The following PDE2A variants were observed in gnomAD, a reference collection of about 807,000 sequenced individuals.
The protein encoded by PDE2A is phosphodiesterase 2A, also known as cGMP-dependent 3',5'-cyclic phosphodiesterase.
Under a neutral mutation model 133.6 loss-of-function variants are expected in PDE2A, and 53 were observed. The ratio of observed to expected loss-of-function variants is 0.40; its 90% CI spans 0.32 to 0.50. PDE2A has a LOEUF of 0.50. PDE2A is among the 20% of genes least tolerant of loss of function. The pLI is 0.73. For missense variants in PDE2A, 796 were observed against 1,232.4 expected (o/e 0.65, Z 5.30); for synonymous variants, 491 against 490.2 (o/e 1.00, Z -0.02).
Position 72,588,891 on chromosome 11 carries a change from G to T in PDE2A, c.963C>A (p.Ser321Arg). ...LTSEDVQQLQ[S>R]MLGCELQAML... ...TGGCCTGCAGCTCACAGCCCAACAT[G>T]CTCTGCAGCTGTTGTACATCCTCCT... The change falls in exon 13 of 31, where the codon AGC (serine) becomes AGA (arginine). Residue 321 changes from serine (S) to arginine (R), a missense_variant. By Grantham distance (110) the Ser-to-Arg change is moderately radical (BLOSUM62 -1). Transcript: ENST00000334456. 1.2e-6 allele frequency: 2 copies of T among 1,607,688 alleles called. No homozygotes were observed. Among genetic ancestry groups the T allele is most frequent in the Non-Finnish European group, 1.7e-6 (2 of 1,175,346 alleles).
At chr11:72,612,683 T>G (rs529283138) in intron 2 of PDE2A, among the ~76,000 whole-genome samples, 1 of 102,036 alleles carries the variant, frequency 9.8e-6, no homozygotes, top group African/African-American at 3.8e-5. Context: ...GGATGGTGGA[T>G]GGATGGGTGG....
chr11:72,589,120 G>A (rs1235917983), intron 12 of PDE2A, 55 bp downstream of exon 12: 7 of 1,481,624 alleles, frequency 4.7e-6, no homozygotes, highest in Non-Finnish European at 6.6e-6. Context: ...CTGGCTCTAG[G>A]GGCTGGCAGT....
chr11:72,598,492 C>A, intron 4 of PDE2A: 1 of 1,288,296 alleles, frequency 7.8e-7, no homozygotes, highest in Non-Finnish European at 1.0e-6. Context: ...TCTGGCTCAT[C>A]CCGCTTAATT....
chr11:72,602,742 A>G (rs1306665507), intron 4 of PDE2A, among the ~76,000 whole-genome samples: 1 of 152,234 alleles, frequency 6.6e-6, no homozygotes, highest in East Asian at 1.9e-4. Context: ...CTGTTACCCC[A>G]TTAAGCCAAT....
At chr11:72,666,771 A>G (rs949734505) in intron 1 of PDE2A, among the ~76,000 whole-genome samples, 4 of 152,230 alleles carry the variant, frequency 2.6e-5, no homozygotes, top group African/African-American at 9.7e-5. Context: ...CACAAGCCAC[A>G]GTCACATGCA....
At chr11:72,667,967 G>A (rs1465556876) in intron 1 of PDE2A, among the ~76,000 whole-genome samples, 1 of 152,164 alleles carries the variant, frequency 6.6e-6, no homozygotes, top group Non-Finnish European at 1.5e-5. Flanking sequence ...AGTGCTGGGT[G>A]CACCAAGGAT....
intron 1 of PDE2A, chr11:72,652,788 C>G (rs200031596): frequency 2.2e-6 from 1 of 449,320 alleles, no homozygotes; most frequent in Non-Finnish European, 4.5e-6. Flanking sequence ...AAGCTTGTGC[C>G]TCTTGCAGCA....
At chr11:72,656,047 G>A (rs1025345366) in intron 1 of PDE2A, among the ~76,000 whole-genome samples, 11 of 152,164 alleles carry the variant, frequency 7.2e-5, no homozygotes, top group East Asian at 1.9e-4. Context: ...GGAGGCTCAC[G>A]GCCCGGCATC....
At chr11:72,611,775 G>T (rs1251249235) in intron 2 of PDE2A, among the ~76,000 whole-genome samples, 1 of 152,196 alleles carries the variant, frequency 6.6e-6, no homozygotes, top group African/African-American at 2.4e-5. Flanking sequence ...ACTGCAGCTG[G>T]GAAGGGCCAC....
intron 21 of PDE2A, 88 bp downstream of exon 21, chr11:72,582,356 T>C: frequency 1.5e-6 from 2 of 1,316,818 alleles, no homozygotes; most frequent in Non-Finnish European, 2.1e-6. Context: ...TGACTCTGTC[T>C]TCCCAGGAAG....
At chr11:72,593,930 G>A (rs745959644) in intron 6 of PDE2A, among the ~76,000 whole-genome samples, 4 of 152,174 alleles carry the variant, frequency 2.6e-5, no homozygotes, top group Non-Finnish European at 5.9e-5. Flanking sequence ...CAGTATTTTT[G>A]TTATTTTTAT....
chr11:72,651,057 G>A (rs941191570), intron 1 of PDE2A, among the ~76,000 whole-genome samples: 1 of 152,166 alleles, frequency 6.6e-6, no homozygotes, highest in Non-Finnish European at 1.5e-5. Context: ...GGAGGCCCCA[G>A]TCTATGGCTT....
At chr11:72,581,804 T>C in intron 22 of PDE2A, 73 bp downstream of exon 22, 2 of 1,373,324 alleles carry the variant, frequency 1.5e-6, no homozygotes, top group Non-Finnish European at 2.1e-6. Context: ...CTCTCCAGAA[T>C]GCCGGGGGCA....
intron 1 of PDE2A, among the ~76,000 whole-genome samples, chr11:72,668,847 C>T (rs1855316478): frequency 6.6e-6 from 1 of 152,336 alleles, no homozygotes; most frequent in Middle Eastern, 3.4e-3. Context: ...GAGCTTTGTG[C>T]TTCTCACCGT....
intron 1 of PDE2A, chr11:72,668,951 C>T (rs1158398430): frequency 9.0e-6 from 9 of 1,003,734 alleles, no homozygotes; most frequent in East Asian, 9.8e-5. Context: ...CTCCAGGCCC[C>T]GCTAAATCTT....
intron 6 of PDE2A, among the ~76,000 whole-genome samples, 174 bp from the exon 7 acceptor site, chr11:72,591,530 C>T (rs1212723246): frequency 6.6e-6 from 1 of 152,164 alleles, no homozygotes; most frequent in Non-Finnish European, 1.5e-5. Flanking sequence ...CAGGAAAATC[C>T]CTCCTGTAGG....
chr11:72,646,778 C>A (rs574378384), intron 1 of PDE2A, among the ~76,000 whole-genome samples: 2 of 152,358 alleles, frequency 1.3e-5, no homozygotes, highest in African/African-American at 4.8e-5. Context: ...CTTTGCCCAA[C>A]CTGTTGCCCT....
Position 72,589,243 on chromosome 11 carries a change from AG to A in PDE2A, c.874-4del, listed in dbSNP as rs1433460416. On this transcript the variant is annotated splice_polypyrimidine_tract_variant and splice_region_variant and intron_variant, in intron 11 of 30. Coordinates refer to ENST00000334456, the MANE Select transcript of PDE2A (RefSeq NM_002599.5). ...ACCTGGCCCAGGCATCCTGTCAACT[AG>A]GGGGTGAGGAGAGACTGAGTCAGGG... The A allele has an allele frequency of 1.9e-6, 3 of 1,612,136 alleles. No individual in the cohort carries two copies. Among genetic ancestry groups the A allele is most frequent in the African/African-American group, 2.7e-5 (2 of 74,860 alleles).
chr11:72,588,676 T>A (rs553380124), intron 13 of PDE2A, 108 bp downstream of exon 13: 1 of 1,096,938 alleles, frequency 9.1e-7, no homozygotes, highest in East Asian at 2.4e-5. Context: ...CCACTGCTGC[T>A]GAGACAGTAG....
Sources: allele counts gnomAD v4.1 joint callset (sites outside exome capture counted in the v4.1 genomes callset), GRCh38; gene constraint gnomAD v4.1.1; transcripts MANE v1.5; gene names NCBI Gene and HGNC (gene_info 2026-07-23, HGNC 2026-07-21).